Variants in KIRREL3 observed in about 807,000 individuals in gnomAD.
The protein encoded by KIRREL3 is kirre like nephrin family adhesion molecule 3, also known as kin of IRRE-like protein 3.
KIRREL3 carries 36 observed loss-of-function variants against 89.7 expected under a neutral mutation model. The ratio of observed to expected loss-of-function variants is 0.40; its 90% CI spans 0.31 to 0.53. The LOEUF (loss-of-function observed/expected upper bound fraction) is 0.53, where lower values mean the gene tolerates loss of function less well. KIRREL3 is among the 20% of genes least tolerant of loss of function. KIRREL3 has a pLI of 0.49. For synonymous variants in KIRREL3, 445 were observed against 441.4 expected, an observed-to-expected ratio of 1.01 and a Z score of -0.10; for missense variants, 864 against 1,056.6, an observed-to-expected ratio of 0.82 and a Z score of 2.53.
chr11:126,737,818 G>A (rs985191799), intron 1 of KIRREL3, among the ~76,000 whole-genome samples: 3 of 152,176 alleles, frequency 2.0e-5, no homozygotes, highest in East Asian at 1.9e-4. Context: ...TGGTCAAATC[G>A]GGATAACTGG....
At chr11:126,554,772 C>T (rs1939574176) in intron 2 of KIRREL3, among the ~76,000 whole-genome samples, 1 of 152,124 alleles carries the variant, frequency 6.6e-6, no homozygotes, top group Non-Finnish European at 1.5e-5. Context: ...TTAGTGAAAA[C>T]AGGTGACTCA....
At chr11:126,451,807 TCC>T (rs67830639) in intron 7 of KIRREL3, among the ~76,000 whole-genome samples, 91,007 of 151,412 alleles carry the variant, frequency 0.6, 27,833 homozygotes, top group East Asian at 0.82. Context: ...CCTACTCTGA[TCC>T]CAACATTCTT....
chr11:126,854,063 T>C (rs1321738260), intron 1 of KIRREL3, among the ~76,000 whole-genome samples: 1 of 151,924 alleles, frequency 6.6e-6, no homozygotes, highest in Non-Finnish European at 1.5e-5. Flanking sequence ...CTTTTTTTTT[T>C]CTTTTTAGTA....
chr11:126,517,586 C>T (rs1958460033), intron 4 of KIRREL3, among the ~76,000 whole-genome samples: 1 of 152,204 alleles, frequency 6.6e-6, no homozygotes, highest in South Asian at 2.1e-4. Flanking sequence ...TTGGAGAGGT[C>T]CTATCTCCCA....
intron 1 of KIRREL3, among the ~76,000 whole-genome samples, chr11:126,961,211 A>G (rs1429950730): frequency 6.6e-6 from 1 of 152,186 alleles, no homozygotes; most frequent in African/African-American, 2.4e-5. Flanking sequence ...CTGTCCCTTT[A>G]AATCAAAAGC....
At chr11:126,600,419 C>G (rs1303819701) in intron 1 of KIRREL3, among the ~76,000 whole-genome samples, 1 of 152,206 alleles carries the variant, frequency 6.6e-6, no homozygotes, top group East Asian at 1.9e-4. Context: ...TCTTAAACTG[C>G]TAATTTTAAT....
Position 126,429,186 on chromosome 11 carries a change from T to G in KIRREL3, c.1799A>C (p.Gln600Pro). 1 of 1,601,222 alleles carries G rather than the reference T, an allele frequency of 6.2e-7. No individual in the cohort carries two copies. The highest frequency in any genetic ancestry group is 2.2e-5 in the East Asian group (1 of 44,832). Residue 600 changes from glutamine (Q) to proline (P), a missense_variant, in exon 15 of 17, where the codon CAG becomes CCG. By Grantham distance (76) the Gln-to-Pro change is moderately conservative. Transcript: ENST00000525144. This position sits in a 1 kb window ranked among gnomAD's most constrained non-coding sequence, Gnocchi z 5.2. ...GCGTAATTGCATTCTTACCATCAGCTGCTTGATGGTGGAGTGCTCCTCACC... is the reference window on the plus strand; with the variant it reads ...GCGTAATTGCATTCTTACCATCAGCGGCTTGATGGTGGAGTGCTCCTCACC... ...REGEEHSTIKQLMMDRGEFQQ... is the reference protein window; with the variant it reads ...REGEEHSTIKPLMMDRGEFQQ...
intron 1 of KIRREL3, among the ~76,000 whole-genome samples, chr11:126,938,933 T>C (rs1948317930): frequency 6.6e-6 from 1 of 151,914 alleles, no homozygotes; most frequent in South Asian, 2.1e-4. Context: ...CCAGAACAAG[T>C]AGGATGAGAC....
chr11:126,658,748 G>A (rs1945267522), intron 1 of KIRREL3, among the ~76,000 whole-genome samples: 1 of 152,174 alleles, frequency 6.6e-6, no homozygotes, highest in South Asian at 2.1e-4. Flanking sequence ...TCCACTTCCT[G>A]CTCCTCCGCC....
In KIRREL3 at chr11:126,459,921, G is replaced by T. The variant is rs768863008; in HGVS notation, c.742+3236C>A. 1.3e-5 allele frequency among the ~76,000 whole-genome samples: 2 copies of T among 152,178 alleles called. No homozygotes were observed. Among genetic ancestry groups the T allele is most frequent in the African/African-American group, 4.8e-5 (2 of 41,438 alleles). On this transcript the variant is annotated intron_variant, in intron 6 of 16. Transcript: ENST00000525144. This position sits in a 1 kb window ranked among gnomAD's most constrained non-coding sequence, Gnocchi z 4.8. ...ACTCAATCTGAGGGCTTTGTCTTCC[G>T]TTGGGTAACATATGAAGACCAAGAG...
Position 126,990,844 on chromosome 11 carries a change from C to T in KIRREL3, c.55+9611G>A, listed in dbSNP as rs1402222508. Among the ~76,000 whole-genome samples, 5 of 152,200 alleles carry T rather than the reference C, an allele frequency of 3.3e-5. No homozygotes were observed. Among genetic ancestry groups the T allele is most frequent in the Admixed American group, 3.3e-4 (5 of 15,292 alleles). On this transcript the variant is annotated intron_variant, in intron 1 of 16. Coordinates refer to ENST00000525144, the MANE Select transcript of KIRREL3 (RefSeq NM_032531.4). The surrounding 1 kb of genome is among the most constrained non-coding windows in gnomAD (Gnocchi z 6.3). Reference sequence around the variant, plus strand: ...ACTGAGGGATTAAGTGGTGGTTTTGCTTTCTTTGCCACAAGGTCAGTGAGG... The same window carrying T: ...ACTGAGGGATTAAGTGGTGGTTTTGTTTTCTTTGCCACAAGGTCAGTGAGG...
intron 1 of KIRREL3, among the ~76,000 whole-genome samples, chr11:126,831,934 A>G (rs1943623285): frequency 6.6e-6 from 1 of 152,230 alleles, no homozygotes; most frequent in South Asian, 2.1e-4. Context: ...CTGGCATAGA[A>G]CTGGTTGACA....
At position 126,555,233 on chromosome 11, in the gene KIRREL3, T is replaced by C. The variant is rs28624128; in HGVS notation, c.133+7602A>G. ...GTTCATTCCCTCTGGTTCCTGCACT[T>C]GCTTGCTCACACACTCCCTCTCTCA... is the stretch of plus-strand genomic sequence containing the variant. On this transcript the variant is annotated intron_variant, in intron 2 of 16. Coordinates refer to ENST00000525144, the MANE Select transcript of KIRREL3 (RefSeq NM_032531.4). This position sits in a 1 kb window ranked among gnomAD's most constrained non-coding sequence, Gnocchi z 4.2. Among the ~76,000 whole-genome samples the C allele has an allele frequency of 0.079, 12,074 of 152,184 alleles. 1,392 individuals carry two copies. Among genetic ancestry groups the C allele is most frequent in the African/African-American group, 0.25 (10,475 of 41,470 alleles).
Position 126,696,632 on chromosome 11 carries a change from G to A in KIRREL3, c.56-133720C>T, listed in dbSNP as rs1811478086. Among the ~76,000 whole-genome samples, 2 of 152,172 alleles carry A rather than the reference G, an allele frequency of 1.3e-5. No homozygotes were observed. Among genetic ancestry groups the A allele is most frequent in the Admixed American group, 6.5e-5 (1 of 15,288 alleles). On this transcript the variant is annotated intron_variant, in intron 1 of 16. Transcript: ENST00000525144. This position sits in a 1 kb window ranked among gnomAD's most constrained non-coding sequence, Gnocchi z 4.4. The stretch of plus-strand genomic sequence containing the variant: ...CACACCACAGCTGGAATCCACAGAG[G>A]CGCCACAGTACCGAAAGGGTGGCTC...
At chr11:126,497,177 AGTGT>A (rs778643000) in intron 4 of KIRREL3, among the ~76,000 whole-genome samples, 2,640 of 136,754 alleles carry the variant, frequency 0.019, 69 homozygotes, top group African/African-American at 0.064. Flanking sequence ...TGTGTAAGAG[AGTGT>A]GTGAGAGTGT....
intron 5 of KIRREL3, among the ~76,000 whole-genome samples, chr11:126,465,424 C>A (rs1276012848): frequency 6.6e-6 from 1 of 152,156 alleles, no homozygotes; most frequent in Non-Finnish European, 1.5e-5. Context: ...CCCGGGGGTG[C>A]TGGACGGTGG....
intron 1 of KIRREL3, among the ~76,000 whole-genome samples, chr11:126,988,122 A>G (rs968086982): frequency 6.6e-6 from 1 of 152,252 alleles, no homozygotes; most frequent in African/African-American, 2.4e-5. Flanking sequence ...CCATTCTTCC[A>G]GCACACAGCT....
intron 7 of KIRREL3, among the ~76,000 whole-genome samples, chr11:126,451,017 G>A (rs1956084194): frequency 6.8e-6 from 1 of 148,084 alleles, no homozygotes; most frequent in Non-Finnish European, 1.5e-5. Context: ...GTGAGTGCAT[G>A]TGTCCATGTG....
intron 10 of KIRREL3, among the ~76,000 whole-genome samples, chr11:126,442,313 A>AACACACACAC (rs71984147): frequency 5.9e-5 from 8 of 136,602 alleles, no homozygotes; most frequent in Non-Finnish European, 1.1e-4. Context: ...AGACACACAA[A>AACACACACAC]ACACACACAC....
Sources: allele counts gnomAD v4.1 joint callset (sites outside exome capture counted in the v4.1 genomes callset), GRCh38; gene constraint gnomAD v4.1.1; non-coding constraint Gnocchi (gnomAD v3.1); transcripts MANE v1.5; gene names NCBI Gene and HGNC (gene_info 2026-07-23, HGNC 2026-07-21).